The following E2F5 variants were observed in gnomAD, a reference collection of about 807,000 sequenced individuals.
The protein encoded by E2F5 is transcription factor E2F5.
A neutral mutation model predicts 39.1 loss-of-function variants in E2F5; 23 were observed. The ratio of observed to expected loss-of-function variants is 0.59; its 90% confidence interval spans 0.42 to 0.83. The LOEUF is 0.83. E2F5 is among the 40% of genes least tolerant of loss of function. The probability of loss-of-function intolerance (pLI) is 0.00; values close to 1 mark genes in which losing one functional copy is unlikely to be tolerated. For missense variants in E2F5, 365 were observed against 406.7 expected, an observed-to-expected ratio of 0.90 and a Z score of 0.88; for synonymous variants, 145 against 157.8, an observed-to-expected ratio of 0.92 and a Z score of 0.61.
At position 85,214,516 on chromosome 8, in the gene E2F5, C is replaced by A; in HGVS notation, c.*654C>A. Reference sequence around the variant, plus strand: ...TAAAAATAAAATTGTATAAAACATTCAATTTATTGGTCTTTGTGGAGAATT... The same window carrying A: ...TAAAAATAAAATTGTATAAAACATTAAATTTATTGGTCTTTGTGGAGAATT... On this transcript the variant is annotated 3_prime_UTR_variant, in exon 8 of 8. Transcript: ENST00000416274. The A allele has an allele frequency of 8.0e-7, 1 of 1,256,344 alleles. No homozygotes were observed. Among genetic ancestry groups the A allele is most frequent in the Non-Finnish European group, 1.2e-6 (1 of 867,930 alleles). 77.8% of individuals were successfully genotyped at this position (1,256,344 alleles called of 1,614,324 possible).
chr8:85,214,517 A>T lies in E2F5; in HGVS notation c.*655A>T. On this transcript the variant is annotated 3_prime_UTR_variant, in exon 8 of 8. Transcript: ENST00000416274. Reference sequence around the variant, plus strand: ...AAAAATAAAATTGTATAAAACATTCAATTTATTGGTCTTTGTGGAGAATTA... The same window carrying T: ...AAAAATAAAATTGTATAAAACATTCTATTTATTGGTCTTTGTGGAGAATTA... The T allele has an allele frequency of 7.9e-7, 1 of 1,265,072 alleles. No individual in the cohort carries two copies. Among genetic ancestry groups the T allele is most frequent in the Non-Finnish European group, 1.1e-6 (1 of 875,582 alleles). The allele number at this position is 1,265,072 out of a possible 1,614,324, so 78.4% of individuals were successfully genotyped here.
intron 1 of E2F5, among the ~76,000 whole-genome samples, chr8:85,197,083 T>C (rs1335830465): frequency 1.3e-5 from 2 of 152,226 alleles, no homozygotes; most frequent in Non-Finnish European, 2.9e-5. Flanking sequence ...AGTACTTCTG[T>C]TGCACATTTT....
chr8:85,200,012 C>T (rs910706691), intron 1 of E2F5, among the ~76,000 whole-genome samples: 9 of 151,890 alleles, frequency 5.9e-5, no homozygotes, highest in African/African-American at 2.2e-4. Flanking sequence ...TTTGGGAGGT[C>T]GAGGTGGGTG....
chr8:85,188,316 CTTTT>C (rs74366212), intron 1 of E2F5, among the ~76,000 whole-genome samples: 5 of 114,984 alleles, frequency 4.3e-5, no homozygotes, highest in Admixed American at 1.7e-4. Context: ...CCTTAGCATC[CTTTT>C]TTTTTTTTTT....
chr8:85,180,958 A>G (rs915314693), intron 1 of E2F5, among the ~76,000 whole-genome samples: 1 of 151,344 alleles, frequency 6.6e-6, no homozygotes, highest in African/African-American at 2.4e-5. Flanking sequence ...GCTCATTGTA[A>G]CCTCCACTTC....
At chr8:85,197,716 GA>G (rs1257977880) in intron 1 of E2F5, among the ~76,000 whole-genome samples, 2 of 152,108 alleles carry the variant, frequency 1.3e-5, no homozygotes, top group African/African-American at 4.8e-5. Flanking sequence ...AATCCTATGA[GA>G]GTAAATGTAG....
At chr8:85,202,049 T>G in intron 1 of E2F5, 98 bp from the exon 2 acceptor site, 38 of 977,394 alleles carry the variant, frequency 3.9e-5, no homozygotes, top group East Asian at 5.3e-5. Context: ...GGGTCAAATT[T>G]GAGATTGGAC....
intron 3 of E2F5, among the ~76,000 whole-genome samples, chr8:85,204,948 A>C (rs1019890385): frequency 3.3e-5 from 5 of 152,186 alleles, no homozygotes; most frequent in African/African-American, 1.2e-4. Context: ...CACTTTGGGA[A>C]GCCAAGGTTG....
At chr8:85,178,820 G>A (rs964123983) in intron 1 of E2F5, among the ~76,000 whole-genome samples, 2 of 152,246 alleles carry the variant, frequency 1.3e-5, no homozygotes. Context: ...CCAAGGGGAA[G>A]TAGATCTTTT....
Position 85,203,132 on chromosome 8 carries a change from A to G in E2F5, c.383A>G (p.Asp128Gly), listed in dbSNP as rs917251917. ...GGCTGTAATACTAAAGAAGTCATAG[A>G]TAGATTAAGATATCTTAAAGCTGAA... ...GAGCNTKEVI[D>G]RLRYLKAEIE... The change falls in exon 3 of 8, where the codon GAT becomes GGT. Residue 128 changes from aspartate to glycine, a missense_variant. Physicochemically the swap from Asp to Gly is moderately conservative, Grantham distance 94. Transcript: ENST00000416274. 6.3e-7 allele frequency: 1 copy of G among 1,589,198 alleles called. No individual in the cohort carries two copies. The highest frequency in any genetic ancestry group is 1.3e-5 in the African/African-American group (1 of 74,478).
chr8:85,200,248 A>G (rs1423311898), intron 1 of E2F5: 35 of 848,798 alleles, frequency 4.1e-5, no homozygotes, highest in South Asian at 1.1e-4. Flanking sequence ...CTCTGTCTCA[A>G]AAAAAAAAAA....
chr8:85,181,540 T>A (rs1311474852), intron 1 of E2F5, among the ~76,000 whole-genome samples: 1 of 149,182 alleles, frequency 6.7e-6, no homozygotes, highest in African/African-American at 2.4e-5. Context: ...AGGTGGGGTT[T>A]CACCGTGTTA....
At chr8:85,184,605 A>T (rs916709724) in intron 1 of E2F5, among the ~76,000 whole-genome samples, 5 of 152,240 alleles carry the variant, frequency 3.3e-5, no homozygotes, top group African/African-American at 1.2e-4. Context: ...ATGATTGTAT[A>T]TTTAGAAAAC....
intron 1 of E2F5, among the ~76,000 whole-genome samples, chr8:85,198,586 C>A (rs1269567550): frequency 6.6e-6 from 1 of 152,202 alleles, no homozygotes; most frequent in African/African-American, 2.4e-5. Context: ...GCTCTGACAG[C>A]AATACTTGAT....
intron 1 of E2F5, among the ~76,000 whole-genome samples, chr8:85,194,872 AT>A (rs2129687307): frequency 6.6e-6 from 1 of 151,516 alleles, no homozygotes; most frequent in African/African-American, 2.4e-5. Flanking sequence ...AATTTTTAAA[AT>A]TTTTGTAGAA....
At chr8:85,190,497 CTTTT>C (rs34804570) in intron 1 of E2F5, among the ~76,000 whole-genome samples, 1 of 70,302 alleles carries the variant, frequency 1.4e-5, no homozygotes, top group Non-Finnish European at 2.5e-5. Flanking sequence ...GAGATTTTTC[CTTTT>C]TTTTTTTTTT....
At chr8:85,195,550 T>A (rs1812562122) in intron 1 of E2F5, among the ~76,000 whole-genome samples, 1 of 152,090 alleles carries the variant, frequency 6.6e-6, no homozygotes, top group African/African-American at 2.4e-5. Context: ...AGTGCAGTGG[T>A]GCAGTCATGG....
At chr8:85,182,118 T>G (rs901023061) in intron 1 of E2F5, among the ~76,000 whole-genome samples, 1 of 152,248 alleles carries the variant, frequency 6.6e-6, no homozygotes, top group African/African-American at 2.4e-5. Flanking sequence ...TAGTCTCATT[T>G]ACAATAGTGG....
rs1039981698 is a variant in E2F5, at chr8:85,181,833, C to G, written c.234+4179C>G. 4.0e-5 allele frequency among the ~76,000 whole-genome samples: 6 copies of G among 150,936 alleles called. No homozygotes were observed. In the South Asian group the frequency reaches 1.3e-3, roughly 32 times the overall value. On this transcript the variant is annotated intron_variant, in intron 1 of 7. Coordinates refer to ENST00000416274, the MANE Select transcript of E2F5 (RefSeq NM_001951.4). The stretch of plus-strand genomic sequence containing the variant: ...AAAAATTAGCCAGGCGTCGTGGAGG[C>G]GCCTGTAATCCCAGCTACTTGGCAG...
Sources: allele counts gnomAD v4.1 joint callset (sites outside exome capture counted in the v4.1 genomes callset), GRCh38; gene constraint gnomAD v4.1.1; transcripts MANE v1.5; gene names NCBI Gene and HGNC (gene_info 2026-07-23, HGNC 2026-07-21).